Variants in EPB41L3 observed in about 807,000 individuals in gnomAD.
The protein encoded by EPB41L3 is erythrocyte membrane protein band 4.1 like 3.
A neutral mutation model predicts 127.1 loss-of-function variants in EPB41L3; 57 were observed. The ratio of observed to expected loss-of-function variants is 0.45; its 90% CI spans 0.36 to 0.56. The LOEUF is 0.56. Ranked by LOEUF, EPB41L3 falls within the 20% of genes least tolerant of loss-of-function variation. EPB41L3 has a pLI of 0.00. For missense variants in EPB41L3, 1,273 were observed against 1,372.2 expected (o/e 0.93, Z 1.14); for synonymous variants, 572 against 549.5 (o/e 1.04, Z -0.57).
chr18:5,509,415 G>C (rs906276542), intron 1 of EPB41L3, among the ~76,000 whole-genome samples: 2 of 152,226 alleles, frequency 1.3e-5, no homozygotes, highest in Non-Finnish European at 2.9e-5. Flanking sequence ...TGAGAGAATA[G>C]AGTTAAACGT....
At chr18:5,565,884 T>C (rs556412722) in intron 3 of EPB41L3, among the ~76,000 whole-genome samples, 8 of 152,226 alleles carry the variant, frequency 5.3e-5, no homozygotes, top group Admixed American at 4.6e-4. Context: ...TCTCAATAGA[T>C]GCAGAAAAGG....
chr18:5,472,437 T>C (rs1190697979), intron 3 of EPB41L3, among the ~76,000 whole-genome samples: 1 of 152,178 alleles, frequency 6.6e-6, no homozygotes, highest in Non-Finnish European at 1.5e-5. Flanking sequence ...ATGGATGGTT[T>C]GATGTAAGTT....
chr18:5,483,210 A>C (rs948859395), intron 2 of EPB41L3, among the ~76,000 whole-genome samples: 1 of 152,042 alleles, frequency 6.6e-6, no homozygotes, highest in African/African-American at 2.4e-5. Flanking sequence ...GTGTATGTGT[A>C]GTTTTTTTTA....
chr18:5,618,194 G>T (rs1170812743), intron 1 of EPB41L3, among the ~76,000 whole-genome samples: 1 of 152,158 alleles, frequency 6.6e-6, no homozygotes, highest in Non-Finnish European at 1.5e-5. Flanking sequence ...CAGAAAGTAG[G>T]TCTCTGCCTT....
At chr18:5,629,737 C>T (rs1312486890), upstream of EPB41L3, among the ~76,000 whole-genome samples, 1 of 152,146 alleles carries the variant, frequency 6.6e-6, no homozygotes, top group Non-Finnish European at 1.5e-5. Flanking sequence ...CACTCCTGCC[C>T]TCCTCGCAAA....
intron 1 of EPB41L3, among the ~76,000 whole-genome samples, chr18:5,517,221 A>T (rs966279091): frequency 6.6e-6 from 1 of 152,098 alleles, no homozygotes; most frequent in African/African-American, 2.4e-5. Context: ...TGAGAGTCTG[A>T]CAGGGTGAGG....
intron 21 of EPB41L3, 38 bp downstream of exon 21, chr18:5,395,029 T>G: frequency 6.3e-7 from 1 of 1,598,274 alleles, no homozygotes; most frequent in Non-Finnish European, 8.6e-7. Flanking sequence ...TTTTTCTTTG[T>G]TTCTCTGCCA....
Position 5,447,741 on chromosome 18 carries a change from G to A in EPB41L3, c.382-2497C>T, listed in dbSNP as rs924965424. Among the ~76,000 whole-genome samples the A allele has an allele frequency of 2.6e-5, 4 of 152,074 alleles. No homozygotes were observed. In the East Asian group the frequency reaches 5.8e-4, roughly 22 times the overall value. ...TGTTCTTTCCTTTGCCTAACAAGAG[G>A]CATGGGTTAGCTCAAACACAGACTG... On this transcript the variant is annotated intron_variant, in intron 3 of 22. Transcript: ENST00000341928.
chr18:5,475,567 A>G (rs2087008005), intron 3 of EPB41L3, among the ~76,000 whole-genome samples: 1 of 152,230 alleles, frequency 6.6e-6, no homozygotes, highest in African/African-American at 2.4e-5. Flanking sequence ...CAACTGTAAC[A>G]CACTGTTGGT....
chr18:5,561,891 C>T (rs745432666), intron 3 of EPB41L3, among the ~76,000 whole-genome samples: 5 of 152,172 alleles, frequency 3.3e-5, no homozygotes, highest in Admixed American at 6.5e-5. Context: ...TCCCAAGATG[C>T]ATACCCTCAA....
intron 1 of EPB41L3, among the ~76,000 whole-genome samples, chr18:5,530,941 C>T (rs1406214994): frequency 6.6e-6 from 1 of 152,174 alleles, no homozygotes; most frequent in Admixed American, 6.5e-5. Context: ...TATGTATGTA[C>T]TCAAGATATA....
At chr18:5,548,013 C>T (rs1440967626), upstream of EPB41L3, among the ~76,000 whole-genome samples, 1 of 152,208 alleles carries the variant, frequency 6.6e-6, no homozygotes, top group African/African-American at 2.4e-5. Flanking sequence ...AATAGACATT[C>T]ACACTCATTT....
chr18:5,423,644 T>C, intron 10 of EPB41L3, 91 bp from the exon 11 acceptor site: 2 of 1,193,820 alleles, frequency 1.7e-6, no homozygotes, highest in Non-Finnish European at 1.2e-6. Flanking sequence ...GTCATGTGTT[T>C]TGCATGCTAA....
rs1447535440 is a variant in EPB41L3 at position 5,392,735 on chromosome 18, C to T, written c.*750G>A. ...ATAATATTGTAAACTAACAAAAATA[C>T]AGGTTTTCTTCCCAAAATAATGACA... On this transcript the variant is annotated 3_prime_UTR_variant, in exon 23 of 23. Transcript: ENST00000341928. 6.6e-6 allele frequency: 1 copy of T among 152,440 alleles called. No individual in the cohort carries two copies. The highest frequency in any genetic ancestry group is 1.5e-5 in the Non-Finnish European group (1 of 68,026). The allele number at this position is 152,440 out of a possible 1,614,324, so 9.4% of individuals were successfully genotyped here.
intron 9 of EPB41L3, among the ~76,000 whole-genome samples, chr18:5,426,635 C>G (rs1208722301): frequency 6.6e-6 from 1 of 152,178 alleles, no homozygotes; most frequent in Non-Finnish European, 1.5e-5. Flanking sequence ...CTAGCTCTCC[C>G]CTCTGGCATC....
chr18:5,484,640 C>T (rs1203968771), intron 2 of EPB41L3, among the ~76,000 whole-genome samples: 1 of 151,356 alleles, frequency 6.6e-6, no homozygotes, highest in Non-Finnish European at 1.5e-5. Flanking sequence ...TAAAATCAGA[C>T]ATGAAAAAGG....
rs1053083324 is a variant in EPB41L3 at position 5,392,650 on chromosome 18, A to C, written c.*835T>G. On this transcript the variant is annotated 3_prime_UTR_variant, in exon 23 of 23. Coordinates refer to ENST00000341928, the MANE Select transcript of EPB41L3 (RefSeq NM_012307.5). ...CAATTAAAAAATACACGGCACGGAA[A>C]AAGTAACTAAGAAAACAAAGCCACA... 2 of 152,646 alleles carry C rather than the reference A, an allele frequency of 1.3e-5. No homozygotes were observed. Among genetic ancestry groups the C allele is most frequent in the Non-Finnish European group, 2.9e-5 (2 of 68,054 alleles). The allele number at this position is 152,646 out of a possible 1,614,324, so 9.5% of individuals were successfully genotyped here.
chr18:5,544,002 G>T (rs1273488373), upstream of EPB41L3: 22 of 985,446 alleles, frequency 2.2e-5, no homozygotes, highest in Admixed American at 6.1e-5. Context: ...AGACTCGGGC[G>T]TGGGGAGGAA....
chr18:5,559,785 A>G (rs1435989698), intron 3 of EPB41L3, among the ~76,000 whole-genome samples: 1 of 152,226 alleles, frequency 6.6e-6, no homozygotes, highest in Non-Finnish European at 1.5e-5. Flanking sequence ...GGATGGTTTA[A>G]TTACTATCTC....
Sources: gnomAD v4.1 joint callset for allele counts (sites outside exome capture counted in the v4.1 genomes callset) on GRCh38, gnomAD v4.1.1 for gene constraint, MANE v1.5 for transcripts, NCBI Gene and HGNC (gene_info 2026-07-23, HGNC 2026-07-21) for gene names.